The following CADPS2 variants were observed in gnomAD, a reference collection of about 807,000 sequenced individuals.
CADPS2 encodes the protein calcium-dependent secretion activator 2.
Under a neutral mutation model 172.5 loss-of-function variants are expected in CADPS2, and 93 were observed. The ratio of observed to expected loss-of-function variants is 0.54; its 90% CI spans 0.46 to 0.64. The LOEUF (loss-of-function observed/expected upper bound fraction) is 0.64. CADPS2 is among the 30% of genes least tolerant of loss of function. The pLI, the probability that CADPS2 is intolerant of heterozygous loss-of-function variation, is 0.00. For synonymous variants in CADPS2, 546 were observed against 555.2 expected (o/e 0.98, Z 0.23); for missense variants, 1,420 against 1,565.9 (o/e 0.91, Z 1.57).
intron 24 of CADPS2, among the ~76,000 whole-genome samples, chr7:122,379,759 C>T (rs1390166722): frequency 6.6e-6 from 1 of 151,934 alleles, no homozygotes; most frequent in African/African-American, 2.4e-5. Context: ...ATTAAGGTGG[C>T]CATGTATTTT....
chr7:122,487,151 C>A (rs1299357480), intron 11 of CADPS2, among the ~76,000 whole-genome samples: 1 of 151,560 alleles, frequency 6.6e-6, no homozygotes, highest in African/African-American at 2.4e-5. Flanking sequence ...GCTGGGACTA[C>A]AGCCACGTAC....
rs141223062 is a variant in CADPS2, at chr7:122,415,381, C to T, written c.2580+680G>A. On this transcript the variant is annotated intron_variant, in intron 18 of 29. Transcript: ENST00000449022. The stretch of plus-strand genomic sequence containing the variant: ...AAGACGGGTTTGTGTTCCGTCTTTG[C>T]CTCTTACCAGTTACACATTTGGACT... Among the ~76,000 whole-genome samples, 46 of 152,052 alleles carry T rather than the reference C, an allele frequency of 3.0e-4. 1 individual carries two copies. The East Asian group carries it at 8.3e-3, about 28-fold the overall frequency.
chr7:122,782,066 T>A (rs1332106790), intron 1 of CADPS2, among the ~76,000 whole-genome samples: 1 of 152,200 alleles, frequency 6.6e-6, no homozygotes, highest in Non-Finnish European at 1.5e-5. Flanking sequence ...TATTTTACAG[T>A]TGTATCATAT....
At chr7:122,752,867 T>C (rs998623891) in intron 1 of CADPS2, among the ~76,000 whole-genome samples, 44 of 152,046 alleles carry the variant, frequency 2.9e-4, no homozygotes, top group African/African-American at 1.0e-3. Context: ...CGTTTAGAAA[T>C]TGAGCGGGGC....
chr7:122,699,984 A>C (rs1438812458), intron 2 of CADPS2, among the ~76,000 whole-genome samples: 2 of 152,196 alleles, frequency 1.3e-5, no homozygotes, highest in African/African-American at 2.4e-5. Context: ...AAATATCCCT[A>C]TTAGAAGATT....
chr7:122,319,585 T>C lies in CADPS2; in HGVS notation c.*580A>G, dbSNP rs2031956823. 2 of 152,130 alleles carry C rather than the reference T, an allele frequency of 1.3e-5. No individual in the cohort carries two copies. Among genetic ancestry groups the C allele is most frequent in the African/African-American group, 2.4e-5 (1 of 41,410 alleles). 9.4% of individuals were successfully genotyped at this position (152,130 alleles called of 1,614,324 possible). ...AGTCTATATTTGGGTTTGGCAATCC[T>C]TTCATCCCAGGAATATACCTGTAGA... On this transcript the variant is annotated 3_prime_UTR_variant, in exon 30 of 30. Coordinates refer to ENST00000449022, the MANE Select transcript of CADPS2 (RefSeq NM_017954.11).
At chr7:122,627,471 C>T (rs917784629) in intron 4 of CADPS2, among the ~76,000 whole-genome samples, 18 of 152,078 alleles carry the variant, frequency 1.2e-4, no homozygotes, top group Non-Finnish European at 2.2e-4. Flanking sequence ...ATGTTTTTTC[C>T]ACTCTATCAA....
chr7:122,355,465 C>T (rs139214072), intron 27 of CADPS2, among the ~76,000 whole-genome samples: 4 of 152,002 alleles, frequency 2.6e-5, no homozygotes, highest in East Asian at 1.9e-4. Flanking sequence ...CCTGTTTTCC[C>T]GGCTACTTCG....
intron 6 of CADPS2, among the ~76,000 whole-genome samples, chr7:122,612,950 T>C (rs991108317): frequency 5.3e-5 from 8 of 152,096 alleles, no homozygotes; most frequent in African/African-American, 1.7e-4. Context: ...AAGGAAAGAA[T>C]AGGTTTTTCA....
intron 1 of CADPS2, among the ~76,000 whole-genome samples, chr7:122,774,269 T>TACACACACACAC (rs56843003): frequency 5.9e-4 from 84 of 143,064 alleles, no homozygotes; most frequent in Middle Eastern, 3.6e-3. Flanking sequence ...TAGATAGATA[T>TACACACACACAC]ACACACACAC....
Position 122,819,674 on chromosome 7 carries a change from C to T in CADPS2, c.339+66325G>A, listed in dbSNP as rs887283335. Among the ~76,000 whole-genome samples, 4 of 152,182 alleles carry T rather than the reference C, an allele frequency of 2.6e-5. No individual in the cohort carries two copies. In the East Asian group the frequency reaches 7.7e-4, roughly 29 times the overall value. ...TTTAGTTATCCCCACCTGCCCAGTT[C>T]CCTTATTAGGCTGAGACACTTTAAC... On this transcript the variant is annotated intron_variant, in intron 1 of 29. Transcript: ENST00000449022.
At chr7:122,500,516 T>A (rs1421676665) in intron 9 of CADPS2, among the ~76,000 whole-genome samples, 1 of 152,164 alleles carries the variant, frequency 6.6e-6, no homozygotes, top group Non-Finnish European at 1.5e-5. Flanking sequence ...TTAAATGTCA[T>A]ACACTCCACT....
At chr7:122,570,770 A>C (rs908096702) in intron 7 of CADPS2, among the ~76,000 whole-genome samples, 4 of 152,064 alleles carry the variant, frequency 2.6e-5, no homozygotes, top group Non-Finnish European at 5.9e-5. Context: ...ATTCTCAGTA[A>C]ACTATCGCAA....
chr7:122,674,528 G>A (rs1178057686), intron 2 of CADPS2, among the ~76,000 whole-genome samples: 2 of 152,100 alleles, frequency 1.3e-5, no homozygotes, highest in Non-Finnish European at 1.5e-5. Context: ...ACAAAGTCGC[G>A]GTGAACTAAT....
chr7:122,542,118 C>T (rs942490428), intron 8 of CADPS2, among the ~76,000 whole-genome samples: 1 of 151,872 alleles, frequency 6.6e-6, no homozygotes, highest in Middle Eastern at 3.4e-3. Flanking sequence ...TTAATCCTTA[C>T]AGCATCATTT....
intron 1 of CADPS2, among the ~76,000 whole-genome samples, chr7:122,809,060 G>A (rs1345951803): frequency 2.0e-5 from 3 of 152,106 alleles, no homozygotes; most frequent in Non-Finnish European, 4.4e-5. Flanking sequence ...ACCAAAACAA[G>A]GATGTTTGCC....
At chr7:122,558,682 T>C (rs1297781362) in intron 7 of CADPS2, among the ~76,000 whole-genome samples, 1 of 152,118 alleles carries the variant, frequency 6.6e-6, no homozygotes, top group Non-Finnish European at 1.5e-5. Context: ...AAAAATGAAA[T>C]ATAAAATACA....
At chr7:122,771,918 G>A (rs899561505) in intron 1 of CADPS2, among the ~76,000 whole-genome samples, 1 of 152,202 alleles carries the variant, frequency 6.6e-6, no homozygotes, top group African/African-American at 2.4e-5. Context: ...GAACTGGCAT[G>A]ATCAGATTTG....
chr7:122,445,604 C>A (rs2052060188), intron 15 of CADPS2, among the ~76,000 whole-genome samples: 1 of 152,024 alleles, frequency 6.6e-6, no homozygotes, highest in Non-Finnish European at 1.5e-5. Flanking sequence ...ATCTCTTGAG[C>A]CTAAGAATTT....
Sources: gnomAD v4.1 joint callset for allele counts (sites outside exome capture counted in the v4.1 genomes callset) on GRCh38, gnomAD v4.1.1 for gene constraint, MANE v1.5 for transcripts, NCBI Gene and HGNC (gene_info 2026-07-23, HGNC 2026-07-21) for gene names.